CDH13: variants seen among roughly 807,000 people sequenced by gnomAD.
CDH13 encodes cadherin 13.
CDH13 carries 24 observed loss-of-function variants against 63.8 expected under a neutral mutation model. The ratio of observed to expected loss-of-function variants is 0.38; its 90% confidence interval spans 0.27 to 0.53. The LOEUF is 0.53. Ranked by LOEUF, CDH13 falls within the 20% of genes least tolerant of loss-of-function variation. The probability of loss-of-function intolerance (pLI) is 0.85; values close to 1 mark genes in which losing one functional copy is unlikely to be tolerated. For synonymous variants in CDH13, 503 were observed against 355.3 expected (o/e 1.42, Z -4.67); for missense variants, 1,049 against 903.1 (o/e 1.16, Z -2.07).
chr16:83,732,710 C>G (rs911860817), intron 10 of CDH13, among the ~76,000 whole-genome samples: 4 of 152,176 alleles, frequency 2.6e-5, no homozygotes, highest in African/African-American at 7.2e-5. Flanking sequence ...CAGGATACAT[C>G]TCATCCCCCT....
chr16:83,084,726 T>G (rs1388478006), intron 3 of CDH13, among the ~76,000 whole-genome samples: 1 of 152,020 alleles, frequency 6.6e-6, no homozygotes, highest in African/African-American at 2.4e-5. Context: ...CCGCCTCTAC[T>G]AAAAATATAA....
chr16:83,426,215 C>T (rs999774067), intron 6 of CDH13, among the ~76,000 whole-genome samples: 3 of 152,192 alleles, frequency 2.0e-5, no homozygotes, highest in Admixed American at 6.5e-5. Context: ...TGGGTTTCCA[C>T]CCTAATGCAT....
chr16:82,647,342 G>C (rs1223032137), intron 1 of CDH13, among the ~76,000 whole-genome samples: 1 of 152,218 alleles, frequency 6.6e-6, no homozygotes, highest in East Asian at 1.9e-4. Flanking sequence ...TTGGCTGTAA[G>C]TGTCACAGTC....
chr16:82,927,346 G>T (rs1175786234), intron 2 of CDH13, among the ~76,000 whole-genome samples: 2 of 152,146 alleles, frequency 1.3e-5, no homozygotes, highest in Admixed American at 6.5e-5. Context: ...GAGCATGAGA[G>T]ATGTAATATG....
intron 6 of CDH13, among the ~76,000 whole-genome samples, chr16:83,458,031 C>T (rs1442101518): frequency 6.6e-6 from 1 of 152,152 alleles, no homozygotes; most frequent in Non-Finnish European, 1.5e-5. Flanking sequence ...CTTAAGATGG[C>T]CCTGGTGTGC....
chr16:82,850,570 G>C (rs1032483086), intron 1 of CDH13, among the ~76,000 whole-genome samples: 1 of 152,128 alleles, frequency 6.6e-6, no homozygotes, highest in African/African-American at 2.4e-5. Context: ...GCAGCAGCAG[G>C]GTTTGAGAGG....
At chr16:83,099,971 G>A (rs28505044) in intron 3 of CDH13, among the ~76,000 whole-genome samples, 2,883 of 152,244 alleles carry the variant, frequency 0.019, 99 homozygotes, top group African/African-American at 0.067. Flanking sequence ...TTAGCATGCA[G>A]CCTACTGCCC....
rs191684609 is a variant in CDH13, at chr16:83,098,668, A to G, written c.367-26717A>G. 8.6e-4 allele frequency among the ~76,000 whole-genome samples: 131 copies of G among 152,328 alleles called. 1 individual carries two copies. The highest frequency in any genetic ancestry group is 2.8e-3 in the African/African-American group (116 of 41,586). On this transcript the variant is annotated intron_variant, in intron 3 of 13. Transcript: ENST00000567109. The stretch of plus-strand genomic sequence containing the variant: ...AATTTTATTTTTCTTTGAGCATTTC[A>G]ACGGTTCACTCCATTATCTTCTGAC...
intron 11 of CDH13, among the ~76,000 whole-genome samples, chr16:83,766,989 A>T (rs1914433738): frequency 6.6e-6 from 1 of 152,140 alleles, no homozygotes; most frequent in African/African-American, 2.4e-5. Context: ...CCTCCCCAGC[A>T]ACTCGGAACG....
rs561576911 is a variant in CDH13 at position 83,354,450 on chromosome 16, G to A, written c.781+9444G>A. 2.6e-5 allele frequency among the ~76,000 whole-genome samples: 4 copies of A among 152,350 alleles called. No individual in the cohort carries two copies. The South Asian group carries it at 6.2e-4, about 24-fold the overall frequency. ...TATTATAGGGGCTGGGGATATAGCA[G>A]TGACCAAGACCATTTAGAACTCTAT... is the stretch of plus-strand genomic sequence containing the variant. On this transcript the variant is annotated intron_variant, in intron 6 of 13. Transcript: ENST00000567109.
chr16:82,918,145 C>T (rs114977128), intron 2 of CDH13, among the ~76,000 whole-genome samples: 1,926 of 152,222 alleles, frequency 0.013, 36 homozygotes, highest in African/African-American at 0.042. Flanking sequence ...ACACAGGTGC[C>T]GGGTACCTCC....
chr16:83,376,470 A>G (rs1235293621), intron 6 of CDH13, among the ~76,000 whole-genome samples: 1 of 152,212 alleles, frequency 6.6e-6, no homozygotes, highest in Non-Finnish European at 1.5e-5. Flanking sequence ...ATAAATAGAT[A>G]GCTAGTATGC....
chr16:83,164,992 A>C (rs916779393), intron 4 of CDH13, among the ~76,000 whole-genome samples: 1 of 151,920 alleles, frequency 6.6e-6, no homozygotes, highest in Non-Finnish European at 1.5e-5. Context: ...GCCTGGCTCC[A>C]AAACCTTGCA....
chr16:83,094,728 C>G (rs1196633117), intron 3 of CDH13, among the ~76,000 whole-genome samples: 2 of 152,186 alleles, frequency 1.3e-5, no homozygotes, highest in Admixed American at 1.3e-4. Flanking sequence ...ATTTCATAAC[C>G]AGTAACAACT....
In CDH13 at chr16:83,795,380, T is replaced by C. The variant is rs1408061106; in HGVS notation, c.*350T>C. 1.3e-5 allele frequency: 4 copies of C among 313,386 alleles called. No homozygotes were observed. The highest frequency in any genetic ancestry group is 7.2e-5 in the East Asian group (1 of 13,870). 19.4% of individuals were successfully genotyped at this position (313,386 alleles called of 1,614,324 possible). On this transcript the variant is annotated 3_prime_UTR_variant, in exon 14 of 14. Coordinates refer to ENST00000567109, the MANE Select transcript of CDH13 (RefSeq NM_001257.5). Reference sequence around the variant, plus strand: ...ACCCAGCTTTGTCTGTGGGTTAGTATTGGTGTATGTATGAGTATCTGTATG... The same window carrying C: ...ACCCAGCTTTGTCTGTGGGTTAGTACTGGTGTATGTATGAGTATCTGTATG...
rs535028532 is a variant in CDH13 at position 83,221,762 on chromosome 16, C to G, written c.636+4265C>G. On this transcript the variant is annotated intron_variant, in intron 5 of 13. Coordinates refer to ENST00000567109, the MANE Select transcript of CDH13 (RefSeq NM_001257.5). ...AGGTGTCCTTGGCAGGAGACCTTCA[C>G]ACTGATCTGTTGTCCAGTGGGAGAT... Among the ~76,000 whole-genome samples the G allele has an allele frequency of 1.8e-4, 28 of 152,194 alleles. No homozygotes were observed. The South Asian group carries it at 4.4e-3, about 24-fold the overall frequency.
intron 7 of CDH13, among the ~76,000 whole-genome samples, chr16:83,520,807 C>A (rs2074813996): frequency 6.6e-6 from 1 of 152,098 alleles, no homozygotes; most frequent in South Asian, 2.1e-4. Flanking sequence ...CTGAGGGACA[C>A]CAGCCAGGGA....
chr16:83,588,136 C>G (rs1450125551), intron 7 of CDH13, among the ~76,000 whole-genome samples: 1 of 152,240 alleles, frequency 6.6e-6, no homozygotes, highest in Non-Finnish European at 1.5e-5. Context: ...CCCATCAGCT[C>G]CAAAGCAGCC....
At chr16:82,859,522 C>T (rs1354781675) in intron 2 of CDH13, 2 of 151,780 alleles carry the variant, frequency 1.3e-5, no homozygotes, top group Admixed American at 6.6e-5. Context: ...CATACCATTG[C>T]ACTCCAACCT....
Sources: gnomAD v4.1 joint callset for allele counts (sites outside exome capture counted in the v4.1 genomes callset) on GRCh38, gnomAD v4.1.1 for gene constraint, MANE v1.5 for transcripts, NCBI Gene and HGNC (gene_info 2026-07-23, HGNC 2026-07-21) for gene names.